The following PCM1 variants were observed in gnomAD, a reference collection of about 807,000 sequenced individuals.
PCM1 encodes the protein pericentriolar material 1 protein.
PCM1 carries 157 observed loss-of-function variants against 241.9 expected under a neutral mutation model. That is an observed-to-expected ratio of 0.65 (90% CI 0.57 to 0.74). The LOEUF (loss-of-function observed/expected upper bound fraction) is 0.74. Among genes scored for constraint, PCM1 ranks in the 30% least tolerant of loss-of-function variants. The pLI is 0.00. For missense variants in PCM1, 3,478 were observed against 2,360.1 expected (o/e 1.47, Z -9.81); for synonymous variants, 1,085 against 784.9 (o/e 1.38, Z -6.39).
At chr8:18,023,827 C>CTT (rs1193052018) in intron 36 of PCM1, among the ~76,000 whole-genome samples, 1 of 152,226 alleles carries the variant, frequency 6.6e-6, no homozygotes, top group Non-Finnish European at 1.5e-5. Flanking sequence ...GGGAAGCTAA[C>CTT]ACTGTGTAAA....
chr8:17,942,736 C>T (rs1353480221), intron 6 of PCM1, among the ~76,000 whole-genome samples: 2 of 152,106 alleles, frequency 1.3e-5, no homozygotes, highest in Non-Finnish European at 2.9e-5. Context: ...TGGCTCACGC[C>T]TGTAATCCCA....
In PCM1 at chr8:17,950,681, A is replaced by G. The variant is rs759299879; in HGVS notation, c.1028A>G (p.Asn343Ser). Residue 343 changes from asparagine to serine, a missense_variant, in exon 8 of 39, where the codon AAT becomes AGT. Transcript: ENST00000325083. ...SITSELNEEL[N>S]DLIQRFHNQL... ...ACATCTGAACTAAATGAAGAATTGA[A>G]TGACTTAATTCAGCGTTTTCATAAT... 7 of 1,604,240 alleles carry G rather than the reference A, an allele frequency of 4.4e-6. No homozygotes were observed. The East Asian group carries it at 1.6e-4, about 36-fold the overall frequency.
chr8:18,027,514 C>CTAA, intron 38 of PCM1, 123 bp from the exon 39 acceptor site: 1 of 605,540 alleles, frequency 1.7e-6, no homozygotes, highest in Non-Finnish European at 2.8e-6. Context: ...TATTAGCAAG[C>CTAA]TAATTTAGGA....
At chr8:17,942,215 C>G (rs766311515) in intron 6 of PCM1, among the ~76,000 whole-genome samples, 20 of 152,144 alleles carry the variant, frequency 1.3e-4, no homozygotes, top group Non-Finnish European at 2.4e-4. Context: ...CGTGGTAATT[C>G]TAGCACTTTG....
chr8:17,957,226 G>A, intron 11 of PCM1, 38 bp from the exon 12 acceptor site: 1 of 1,499,362 alleles, frequency 6.7e-7, no homozygotes, highest in African/African-American at 1.4e-5. Flanking sequence ...CTCTTTTTTT[G>A]TGCCTTAAAT....
rs2094425389 is a variant in PCM1 at position 18,029,939 on chromosome 8, C to G, written c.*2277C>G. 5.5e-6 allele frequency: 1 copy of G among 182,748 alleles called. No individual in the cohort carries two copies. Among genetic ancestry groups the G allele is most frequent in the Non-Finnish European group, 1.2e-5 (1 of 85,918 alleles). The allele number at this position is 182,748 out of a possible 1,614,324, so 11.3% of individuals were successfully genotyped here. A position where few individuals can be genotyped will look rare whatever the true frequency, so the allele number is the denominator to read the frequency against. ...TTTTCACTGTTAATAAATATATATC[C>G]TGTATACAACCCTGAATTGTATTTT... On this transcript the variant is annotated 3_prime_UTR_variant, in exon 39 of 39. Transcript: ENST00000325083.
rs2093561806 is a variant in PCM1, at chr8:18,019,194, C to T, written c.5841+4354C>T. Among the ~76,000 whole-genome samples the T allele has an allele frequency of 6.6e-5, 10 of 152,142 alleles. No homozygotes were observed. The South Asian group carries it at 2.1e-3, about 32-fold the overall frequency. ...GAAGCTCTATCTTGTTTTTCTCAGA[C>T]ATTATACCAAGACCTGTCAACCTTA... On this transcript the variant is annotated intron_variant, in intron 36 of 38. Coordinates refer to ENST00000325083, the MANE Select transcript of PCM1 (RefSeq NM_006197.4).
At position 18,029,509 on chromosome 8, in the gene PCM1, C is replaced by T. The variant is rs190717920; in HGVS notation, c.*1847C>T. ...CTGTGTTTCTCTCTCTGTCTGCATG[C>T]ATATTAAAGTGGAAAAATTGTATTT... On this transcript the variant is annotated 3_prime_UTR_variant, in exon 39 of 39. Transcript: ENST00000325083. The T allele has an allele frequency of 1.3e-4, 27 of 214,042 alleles. No homozygotes were observed. The highest frequency in any genetic ancestry group is 4.2e-4 in the East Asian group (6 of 14,402). The allele number at this position is 214,042 out of a possible 1,614,324, so 13.3% of individuals were successfully genotyped here. A position where few individuals can be genotyped will look rare whatever the true frequency, so the allele number is the denominator to read the frequency against.
At position 17,960,334 on chromosome 8, in the gene PCM1, A is replaced by T. The variant is rs1249218171; in HGVS notation, c.2212A>T (p.Lys738Ter). 1 of 1,593,924 alleles carries T rather than the reference A, an allele frequency of 6.3e-7. No homozygotes were observed. Among genetic ancestry groups the T allele is most frequent in the Non-Finnish European group, 8.5e-7 (1 of 1,174,634 alleles). The change falls in exon 15 of 39, where the codon AAA (lysine) becomes TAA (stop). Residue 738 changes from lysine (K) to a stop codon, truncating the protein, a stop_gained. Transcript: ENST00000325083. LOFTEE classifies it high-confidence loss of function. ...EKAREKFYEA[K>*]LQQQQRELKQ... is the part of the protein sequence containing the mutation. ...TTGTAGAGAGAAATTTTATGAGGCT[A>T]AACTACAGCAGCAACAGAGAGAGCT... is the stretch of plus-strand genomic sequence containing the variant.
rs1444212095 is a variant in PCM1 at position 18,009,680 on chromosome 8, C to G, written c.5096C>G (p.Thr1699Ser). ...CAAGATTTGGATAATAATAGTATAA[C>G]TGTTAAACAGAGATGCAAAAGGAAA... is the stretch of plus-strand genomic sequence containing the variant. ...LMQDLDNNSI[T>S]VKQRCKRKIE... The change falls in exon 31 of 39, where the codon ACT becomes AGT. Residue 1699 changes from threonine to serine, a missense_variant. Physicochemically the swap from Thr to Ser is moderately conservative, Grantham distance 58. Transcript: ENST00000325083. 2 of 1,553,720 alleles carry G rather than the reference C, an allele frequency of 1.3e-6. No homozygotes were observed. Among genetic ancestry groups the G allele is most frequent in the Non-Finnish European group, 1.7e-6 (2 of 1,151,602 alleles).
intron 30 of PCM1, among the ~76,000 whole-genome samples, chr8:18,006,685 T>C (rs1217910111): frequency 6.6e-6 from 1 of 152,236 alleles, no homozygotes; most frequent in Non-Finnish European, 1.5e-5. Flanking sequence ...ATTTTGAGTT[T>C]GAAATGTTTA....
chr8:17,952,452 G>A (rs1795441422), intron 8 of PCM1, among the ~76,000 whole-genome samples: 1 of 152,048 alleles, frequency 6.6e-6, no homozygotes, highest in Non-Finnish European at 1.5e-5. Context: ...GTGGTCATGT[G>A]TCTCTAAAAC....
intron 22 of PCM1, among the ~76,000 whole-genome samples, chr8:17,970,678 CATTT>C (rs1223092109): frequency 3.9e-5 from 6 of 152,164 alleles, no homozygotes; most frequent in Non-Finnish European, 8.8e-5. Flanking sequence ...GAGCAGTAAA[CATTT>C]ATTCAAAGCT....
intron 11 of PCM1, 93 bp from the exon 12 acceptor site, chr8:17,957,171 G>C (rs11777618): frequency 0.41 from 394,876 of 967,478 alleles, 91,683 homozygotes; most frequent in Non-Finnish European, 0.49. Flanking sequence ...AATGTGCTTG[G>C]TTTGGTGTTA....
At chr8:17,930,152 G>A (rs1028624453) in intron 2 of PCM1, among the ~76,000 whole-genome samples, 10 of 148,422 alleles carry the variant, frequency 6.7e-5, no homozygotes, top group African/African-American at 2.5e-4. Flanking sequence ...CGCCCAGGCC[G>A]GAGTGCAGTG....
At chr8:17,968,129 AG>A (rs1306652133) in intron 21 of PCM1, among the ~76,000 whole-genome samples, 1 of 152,184 alleles carries the variant, frequency 6.6e-6, no homozygotes, top group Non-Finnish European at 1.5e-5. Context: ...TAGAAATGAA[AG>A]GGCTTTCTAA....
chr8:17,929,741 C>G (rs1230257148), intron 2 of PCM1, among the ~76,000 whole-genome samples: 2 of 152,114 alleles, frequency 1.3e-5, no homozygotes, highest in Non-Finnish European at 2.9e-5. Context: ...CCAGTGCATG[C>G]CTGAAACTGT....
At chr8:17,945,788 C>G (rs2063578051) in intron 6 of PCM1, among the ~76,000 whole-genome samples, 2 of 137,658 alleles carry the variant, frequency 1.5e-5, no homozygotes, top group African/African-American at 5.4e-5. Flanking sequence ...TAGATCAGTG[C>G]ATTTTTACTT....
chr8:18,014,033 A>G lies in PCM1; in HGVS notation c.5581A>G (p.Lys1861Glu), dbSNP rs1564390819. ...CCCATTGGAACGAGAAGCCACTAGTAAAAGTAAGAAATCTAAATAAGTCTT... is the reference window on the plus strand; with the variant it reads ...CCCATTGGAACGAGAAGCCACTAGTGAAAGTAAGAAATCTAAATAAGTCTT... ...NVPLEREATS[K>E]NDQNNCPVKP... Residue 1861 changes from lysine to glutamate, a missense_variant, in exon 35 of 39, where the codon AAA becomes GAA. Physicochemically the swap from Lys to Glu is moderately conservative, Grantham distance 56. Coordinates refer to ENST00000325083, the MANE Select transcript of PCM1 (RefSeq NM_006197.4). 4 of 1,561,628 alleles carry G rather than the reference A, an allele frequency of 2.6e-6. No homozygotes were observed. The highest frequency in any genetic ancestry group is 3.5e-6 in the Non-Finnish European group (4 of 1,141,368).
Sources: allele counts gnomAD v4.1 joint callset (sites outside exome capture counted in the v4.1 genomes callset), GRCh38; gene constraint gnomAD v4.1.1; transcripts MANE v1.5; gene names NCBI Gene and HGNC (gene_info 2026-07-23, HGNC 2026-07-21).